Variants in CNTNAP2 observed in about 807,000 individuals in gnomAD.
CNTNAP2 encodes the protein contactin associated protein 2.
Under a neutral mutation model 155.2 loss-of-function variants are expected in CNTNAP2, and 98 were observed. The ratio of observed to expected loss-of-function variants is 0.63; its 90% CI spans 0.54 to 0.75. The LOEUF is 0.75. Among genes scored for constraint, CNTNAP2 ranks in the 30% least tolerant of loss-of-function variants. The pLI is 0.00. For synonymous variants in CNTNAP2, 651 were observed against 631.2 expected, an observed-to-expected ratio of 1.03 and a Z score of -0.47; for missense variants, 1,727 against 1,688.1, an observed-to-expected ratio of 1.02 and a Z score of -0.40.
At chr7:146,204,071 AAGGACTTCCTTT>A in intron 1 of CNTNAP2, among the ~76,000 whole-genome samples, 3 of 152,152 alleles carry the variant, frequency 2.0e-5, no homozygotes, top group Non-Finnish European at 4.4e-5. Context: ...CTATCAACTC[AAGGACTTCCTTT>A]CAGCTAAATA....
intron 1 of CNTNAP2, among the ~76,000 whole-genome samples, chr7:146,618,191 G>A (rs893162930): frequency 5.3e-5 from 8 of 152,260 alleles, no homozygotes; most frequent in African/African-American, 1.9e-4. Context: ...CTCAGAAGGC[G>A]AATCACCTTT....
intron 3 of CNTNAP2, among the ~76,000 whole-genome samples, chr7:146,861,989 C>A (rs1017008839): frequency 6.6e-6 from 1 of 152,022 alleles, no homozygotes; most frequent in Admixed American, 6.6e-5. Flanking sequence ...AAAGCACTTG[C>A]CAACCTTTTA....
chr7:147,594,123 C>T (rs183680229), intron 12 of CNTNAP2, among the ~76,000 whole-genome samples: 180 of 95,470 alleles, frequency 1.9e-3, no homozygotes, highest in Non-Finnish European at 3.1e-3. Flanking sequence ...CCTCTGGTGT[C>T]TCTTTTTTTT....
intron 12 of CNTNAP2, among the ~76,000 whole-genome samples, chr7:147,593,422 A>G (rs1432123112): frequency 1.3e-5 from 2 of 151,862 alleles, no homozygotes; most frequent in African/African-American, 2.4e-5. Context: ...ATGATAAGTG[A>G]CATGGCTCTG....
intron 21 of CNTNAP2, among the ~76,000 whole-genome samples, chr7:148,307,562 C>A (rs991277928): frequency 6.6e-6 from 1 of 152,234 alleles, no homozygotes; most frequent in Non-Finnish European, 1.5e-5. Context: ...TATCTTAACA[C>A]TTCATTCCCC....
intron 9 of CNTNAP2, among the ~76,000 whole-genome samples, chr7:147,334,869 A>G (rs373180725): frequency 2.6e-5 from 4 of 152,184 alleles, no homozygotes; most frequent in African/African-American, 9.7e-5. Context: ...TTCTCATTAC[A>G]TATGTCTACC....
At position 147,356,976 on chromosome 7, in the gene CNTNAP2, A is replaced by C. The variant is rs1264610639; in HGVS notation, c.1499-38633A>C. Among the ~76,000 whole-genome samples the C allele has an allele frequency of 3.9e-5, 6 of 152,146 alleles. No homozygotes were observed. The East Asian group carries it at 1.2e-3, about 30-fold the overall frequency. ...AAGTCATCTTCTGTATTGGGAACTC[A>C]CCTAATACCACTTGAAATTATATCC... On this transcript the variant is annotated intron_variant, in intron 9 of 23. Coordinates refer to ENST00000361727, the MANE Select transcript of CNTNAP2 (RefSeq NM_014141.6).
At chr7:147,281,552 G>A (rs1252610308) in intron 8 of CNTNAP2, among the ~76,000 whole-genome samples, 2 of 151,532 alleles carry the variant, frequency 1.3e-5, no homozygotes, top group Non-Finnish European at 2.9e-5. Flanking sequence ...TCATGAATAT[G>A]TTCTTCATGA....
At chr7:147,390,602 C>A (rs1218799776) in intron 9 of CNTNAP2, among the ~76,000 whole-genome samples, 1 of 152,016 alleles carries the variant, frequency 6.6e-6, no homozygotes, top group Non-Finnish European at 1.5e-5. Context: ...CTCCTAGGTG[C>A]CTCTCCATCT....
chr7:147,967,954 A>G (rs1801252382), intron 14 of CNTNAP2, among the ~76,000 whole-genome samples: 1 of 152,234 alleles, frequency 6.6e-6, no homozygotes, highest in Admixed American at 6.5e-5. Flanking sequence ...CTTCAATACA[A>G]GAAAGGCTTG....
At chr7:147,478,120 T>A (rs1798353463) in intron 10 of CNTNAP2, among the ~76,000 whole-genome samples, 1 of 152,068 alleles carries the variant, frequency 6.6e-6, no homozygotes, top group Non-Finnish European at 1.5e-5. Context: ...TTAGGATATG[T>A]ATATTTGTTG....
intron 12 of CNTNAP2, among the ~76,000 whole-genome samples, chr7:147,581,436 A>T (rs929435868): frequency 6.6e-6 from 1 of 152,240 alleles, no homozygotes; most frequent in Non-Finnish European, 1.5e-5. Context: ...TGTATAGACA[A>T]TTCCAATCAA....
chr7:146,290,824 T>C (rs1039180303), intron 1 of CNTNAP2, among the ~76,000 whole-genome samples: 4 of 152,240 alleles, frequency 2.6e-5, no homozygotes, highest in Non-Finnish European at 5.9e-5. Context: ...AGAATCCCTA[T>C]GTTTCCCCCA....
intron 5 of CNTNAP2, among the ~76,000 whole-genome samples, chr7:147,113,019 G>A (rs1256710231): frequency 6.6e-6 from 1 of 151,984 alleles, no homozygotes; most frequent in Non-Finnish European, 1.5e-5. Flanking sequence ...CTCGTCCTGG[G>A]CTTTTTCTGG....
chr7:148,331,738 TGGATGGATGGAAC>T lies in CNTNAP2; in HGVS notation c.3476-51907_3476-51895del, dbSNP rs1563046011. On this transcript the variant is annotated intron_variant, in intron 21 of 23. Transcript: ENST00000361727. ...GGACGGATGGATTGGATGGATGGAGTGGATGGATGGAACGGACGGATGGATTGGATGGATGGAA... is the reference window on the plus strand; with the variant it reads ...GGACGGATGGATTGGATGGATGGAGTGGACGGATGGATTGGATGGATGGAA... 9.9e-4 allele frequency among the ~76,000 whole-genome samples: 150 copies of T among 150,788 alleles called. 18 individuals carry two copies. Among genetic ancestry groups the T allele is most frequent in the Middle Eastern group, 3.5e-3 (1 of 286 alleles).
In CNTNAP2 at chr7:146,376,097, T is replaced by C. The variant is rs115260968; in HGVS notation, c.97+259124T>C. 9.4e-3 allele frequency among the ~76,000 whole-genome samples: 1,432 copies of C among 152,288 alleles called. 23 individuals carry two copies. The highest frequency in any genetic ancestry group is 0.032 in the African/African-American group (1,315 of 41,550). Reference sequence around the variant, plus strand: ...CCCAGTAAGATAGGGTTCCCACTCTTTTAGTTGGCTGCTTGCCTTATGTTT... The same window carrying C: ...CCCAGTAAGATAGGGTTCCCACTCTCTTAGTTGGCTGCTTGCCTTATGTTT... On this transcript the variant is annotated intron_variant, in intron 1 of 23. Coordinates refer to ENST00000361727, the MANE Select transcript of CNTNAP2 (RefSeq NM_014141.6).
chr7:146,887,819 A>G (rs775611670), intron 3 of CNTNAP2, among the ~76,000 whole-genome samples: 10 of 152,176 alleles, frequency 6.6e-5, no homozygotes, highest in African/African-American at 9.6e-5. Context: ...TGTACACTTC[A>G]CAGGTCATTT....
At chr7:146,791,550 A>T (rs1180195363) in intron 2 of CNTNAP2, among the ~76,000 whole-genome samples, 1 of 152,214 alleles carries the variant, frequency 6.6e-6, no homozygotes, top group Non-Finnish European at 1.5e-5. Flanking sequence ...GCACTGGGAA[A>T]GAAAACGCAG....
intron 1 of CNTNAP2, among the ~76,000 whole-genome samples, chr7:146,540,194 C>T (rs1342959894): frequency 2.0e-5 from 3 of 152,040 alleles, no homozygotes; most frequent in Non-Finnish European, 4.4e-5. Flanking sequence ...GCCTTATATT[C>T]CAGAAGCAAG....
Sources: gnomAD v4.1 joint callset for allele counts (sites outside exome capture counted in the v4.1 genomes callset) on GRCh38, gnomAD v4.1.1 for gene constraint, MANE v1.5 for transcripts, NCBI Gene and HGNC (gene_info 2026-07-23, HGNC 2026-07-21) for gene names.